GPHN: variants seen among roughly 807,000 people sequenced by gnomAD.
GPHN encodes the protein gephyrin.
A neutral mutation model predicts 95.5 loss-of-function variants in GPHN; 17 were observed. That is an observed-to-expected ratio of 0.18 (90% CI 0.12 to 0.27). The LOEUF is 0.27. Among genes scored for constraint, GPHN ranks in the 10% least tolerant of loss-of-function variants. GPHN has a pLI of 1.00. For synonymous variants in GPHN, 320 were observed against 322.5 expected (o/e 0.99, Z 0.08); for missense variants, 660 against 978.1 (o/e 0.67, Z 4.34).
At chr14:66,717,804 C>T (rs1338023008) in intron 2 of GPHN, among the ~76,000 whole-genome samples, 1 of 152,194 alleles carries the variant, frequency 6.6e-6, no homozygotes, top group Non-Finnish European at 1.5e-5. Flanking sequence ...ACCGCGCCTA[C>T]CCGGCTCCAG....
At chr14:66,697,995 G>A (rs1469998751) in intron 2 of GPHN, among the ~76,000 whole-genome samples, 1 of 151,766 alleles carries the variant, frequency 6.6e-6, no homozygotes, top group Admixed American at 6.6e-5. Context: ...CCTGCTGCCT[G>A]GTTTTATAAA....
At chr14:67,054,350 A>C (rs2075448935) in intron 10 of GPHN, among the ~76,000 whole-genome samples, 2 of 152,228 alleles carry the variant, frequency 1.3e-5, no homozygotes, top group Admixed American at 1.3e-4. Context: ...TCCCTTTCAC[A>C]GTTGCTAAAA....
chr14:67,372,463 G>C, the GPHN span, among the ~76,000 whole-genome samples: 4 of 152,278 alleles, frequency 2.6e-5, no homozygotes, highest in Admixed American at 1.3e-4. Context: ...AAGAACTTAT[G>C]TTCTTTAAAG....
intron 1 of GPHN, among the ~76,000 whole-genome samples, chr14:66,659,617 CCT>C (rs1326900217): frequency 1.3e-5 from 2 of 151,804 alleles, no homozygotes; most frequent in African/African-American, 4.8e-5. Flanking sequence ...GTTATATACA[CCT>C]TTAGGATTGT....
chr14:67,144,250 A>AATATGTATAT (rs2080720942), intron 18 of GPHN, among the ~76,000 whole-genome samples: 1 of 57,772 alleles, frequency 1.7e-5, no homozygotes, highest in Non-Finnish European at 2.9e-5. Flanking sequence ...AAAAAAAAAA[A>AATATGTATAT]ATATATATAT....
the GPHN span, chr14:67,271,120 A>G: frequency 6.6e-6 from 1 of 152,244 alleles, no homozygotes; most frequent in Admixed American, 6.5e-5. Context: ...TGGTTTGCTC[A>G]TATACTTAAT....
the GPHN span, among the ~76,000 whole-genome samples, chr14:67,453,093 A>T: frequency 6.6e-6 from 1 of 152,232 alleles, no homozygotes; most frequent in African/African-American, 2.4e-5. Flanking sequence ...TGTCACAGTG[A>T]CATGTCGCCC....
At chr14:66,861,375 A>T (rs978201718) in intron 4 of GPHN, among the ~76,000 whole-genome samples, 3 of 152,030 alleles carry the variant, frequency 2.0e-5, no homozygotes, top group Non-Finnish European at 4.4e-5. Flanking sequence ...AAAGAGAGAG[A>T]TAGATTCCAA....
intron 6 of GPHN, among the ~76,000 whole-genome samples, chr14:66,919,025 TC>T (rs1409188774): frequency 6.6e-6 from 1 of 152,222 alleles, no homozygotes; most frequent in African/African-American, 2.4e-5. Flanking sequence ...ATTTTTAGGT[TC>T]TTACCTATTC....
intron 8 of GPHN, among the ~76,000 whole-genome samples, chr14:66,962,609 A>G (rs1318379826): frequency 4.6e-5 from 7 of 151,928 alleles, no homozygotes; most frequent in Admixed American, 3.3e-4. Flanking sequence ...TTTTACCCAC[A>G]ATTTACTTTG....
chr14:67,207,113 A>T, the GPHN span, among the ~76,000 whole-genome samples: 1 of 152,180 alleles, frequency 6.6e-6, no homozygotes, highest in Non-Finnish European at 1.5e-5. Flanking sequence ...TTATTACATC[A>T]TTTTTAAGGA....
intron 9 of GPHN, among the ~76,000 whole-genome samples, chr14:67,008,977 G>C (rs1037274106): frequency 1.3e-5 from 2 of 152,082 alleles, no homozygotes; most frequent in Non-Finnish European, 2.9e-5. Context: ...AAAATGTGAA[G>C]AGAAAAAAAT....
At chr14:67,409,026 G>A in the GPHN span, among the ~76,000 whole-genome samples, 1 of 150,902 alleles carries the variant, frequency 6.6e-6, no homozygotes. Context: ...ACCAGCCTGG[G>A]CAACATGGTG....
intron 17 of GPHN, among the ~76,000 whole-genome samples, chr14:67,137,419 A>C (rs1192494481): frequency 6.6e-6 from 1 of 151,800 alleles, no homozygotes; most frequent in African/African-American, 2.4e-5. Context: ...TGCTAGGATT[A>C]CAGGCATGAG....
At chr14:67,398,007 C>A in the GPHN span, 6 of 421,646 alleles carry the variant, frequency 1.4e-5, no homozygotes, top group Non-Finnish European at 2.5e-5. Context: ...TGGCACTGAC[C>A]TTCTAGTTCC....
At chr14:67,562,821 T>C in the GPHN span, 1 of 1,613,798 alleles carries the variant, frequency 6.2e-7, no homozygotes, top group South Asian at 1.1e-5. Flanking sequence ...CCAAAGGCCC[T>C]TGGAGCTGAG....
intron 8 of GPHN, among the ~76,000 whole-genome samples, chr14:66,961,902 A>ATATATG (rs1567155492): frequency 2.4e-5 from 1 of 41,768 alleles, no homozygotes; most frequent in African/African-American, 6.1e-5. Flanking sequence ...CTGAATGTGT[A>ATATATG]TATATATATA....
the GPHN span, chr14:67,338,678 C>G: frequency 1.2e-6 from 2 of 1,614,106 alleles, no homozygotes; most frequent in East Asian, 2.2e-5. Flanking sequence ...CAGGCTCCAA[C>G]ACCTCTCCAG....
At chr14:67,235,433 G>A in the GPHN span, among the ~76,000 whole-genome samples, 1 of 151,850 alleles carries the variant, frequency 6.6e-6, no homozygotes, top group South Asian at 2.1e-4. Context: ...AAATTTCTCA[G>A]GGCCAGGCGC....
Sources: allele counts gnomAD v4.1 joint callset (sites outside exome capture counted in the v4.1 genomes callset), GRCh38; gene constraint gnomAD v4.1.1; transcripts MANE v1.5; gene names NCBI Gene and HGNC (gene_info 2026-07-23, HGNC 2026-07-21).